TRIP12: variants seen among roughly 807,000 people sequenced by gnomAD.
The protein encoded by TRIP12 is thyroid hormone receptor interactor 12.
TRIP12 carries 25 observed loss-of-function variants against 244.2 expected under a neutral mutation model. The ratio of observed to expected loss-of-function variants is 0.10; its 90% CI spans 0.07 to 0.14. TRIP12 has a LOEUF of 0.14. TRIP12 is among the 10% of genes least tolerant of loss of function. The probability of loss-of-function intolerance (pLI) is 1.00; values close to 1 mark genes in which losing one functional copy is unlikely to be tolerated. For synonymous variants in TRIP12, 905 were observed against 873.1 expected (o/e 1.04, Z -0.64); for missense variants, 1,677 against 2,486.4 (o/e 0.67, Z 6.92).
chr2:229,919,245 G>C (rs2076052979), intron 1 of TRIP12, among the ~76,000 whole-genome samples: 1 of 151,968 alleles, frequency 6.6e-6, no homozygotes, highest in South Asian at 2.1e-4. Context: ...GTGAAACTCT[G>C]TCTCTACTAA....
Position 229,778,344 on chromosome 2 carries a change from A to G in TRIP12, c.5364+89T>C, listed in dbSNP as rs938881733. On this transcript the variant is annotated intron_variant, in intron 36 of 41. Coordinates refer to ENST00000675903, the MANE Select transcript of TRIP12 (RefSeq NM_001348323.3). The surrounding 1 kb of genome is among the most constrained non-coding windows in gnomAD (Gnocchi z 4.1). ...ATTGAAGTTTGAGAAGCATTGCTCT[A>G]AACTATAGCAGTAAACTACAGGGGA... 1.3e-5 allele frequency: 19 copies of G among 1,498,540 alleles called. No homozygotes were observed. In the African/African-American group the frequency reaches 1.7e-4, roughly 13 times the overall value. 92.8% of individuals were successfully genotyped at this position (1,498,540 alleles called of 1,614,324 possible). A position where few individuals can be genotyped will look rare whatever the true frequency, so the allele number is the denominator to read the frequency against.
chr2:229,911,313 G>A (rs1440805800), intron 1 of TRIP12, among the ~76,000 whole-genome samples: 1 of 152,194 alleles, frequency 6.6e-6, no homozygotes, highest in Non-Finnish European at 1.5e-5. Context: ...AGGAAAGTCT[G>A]TAAGAACACA....
chr2:229,791,661 T>C, intron 29 of TRIP12: 1 of 596,990 alleles, frequency 1.7e-6, no homozygotes, highest in Non-Finnish European at 2.9e-6. Context: ...TGTCCATGGA[T>C]ATACATTTTC....
chr2:229,867,458 C>A (rs1181722839), intron 2 of TRIP12, among the ~76,000 whole-genome samples: 3 of 151,962 alleles, frequency 2.0e-5, no homozygotes, highest in African/African-American at 7.3e-5. Flanking sequence ...AGCCACTGTG[C>A]CCGGCCAAAA....
intron 5 of TRIP12, among the ~76,000 whole-genome samples, chr2:229,837,679 G>A (rs1430333210): frequency 6.6e-6 from 1 of 152,032 alleles, no homozygotes; most frequent in Non-Finnish European, 1.5e-5. Flanking sequence ...AGGAAGGGAG[G>A]AGGAGGAGAT....
Position 229,901,087 on chromosome 2 carries a change from C to T in TRIP12, c.-50+20793G>A, listed in dbSNP as rs184686586. ...TAGCTGGGATTACAGGCATGTGCCA[C>T]AACGCCTGGCTAATTTTTGTATTTT... On this transcript the variant is annotated intron_variant, in intron 1 of 41. Coordinates refer to ENST00000675903, the MANE Select transcript of TRIP12 (RefSeq NM_001348323.3). Among the ~76,000 whole-genome samples the T allele has an allele frequency of 4.6e-3, 696 of 151,362 alleles. 5 individuals carry two copies. Among genetic ancestry groups the T allele is most frequent in the African/African-American group, 0.012 (481 of 41,338 alleles).
intron 4 of TRIP12, among the ~76,000 whole-genome samples, chr2:229,846,358 T>C (rs2154318702): frequency 6.6e-6 from 1 of 152,282 alleles, no homozygotes; most frequent in Non-Finnish European, 1.5e-5. Flanking sequence ...CTATCAACAC[T>C]GAGGCAAGAT....
At chr2:229,770,646 A>G (rs1464525966) in intron 39 of TRIP12, among the ~76,000 whole-genome samples, 1 of 152,128 alleles carries the variant, frequency 6.6e-6, no homozygotes, top group African/African-American at 2.4e-5. Context: ...TAAAGACGGT[A>G]ATATGGTTTG....
intron 32 of TRIP12, 75 bp downstream of exon 32, chr2:229,788,723 G>A (rs2040694263): frequency 6.5e-7 from 1 of 1,541,722 alleles, no homozygotes; most frequent in Admixed American, 2.0e-5. Context: ...TAAAGACAAT[G>A]TTTCTGTAAC....
At chr2:229,868,473 C>A (rs505072) in intron 2 of TRIP12, among the ~76,000 whole-genome samples, 1 of 152,198 alleles carries the variant, frequency 6.6e-6, no homozygotes, top group Admixed American at 6.5e-5. Context: ...AAAGTACTGA[C>A]ATTACAGGCA....
intron 2 of TRIP12, among the ~76,000 whole-genome samples, chr2:229,874,493 G>C (rs17324331): frequency 0.25 from 38,674 of 151,938 alleles, 6,013 homozygotes; most frequent in Middle Eastern, 0.43. Context: ...GCAAAAATCT[G>C]AGGAAAAAAC....
chr2:229,829,111 A>T (rs2052586262), intron 8 of TRIP12, 82 bp downstream of exon 8: 1 of 1,292,728 alleles, frequency 7.7e-7, no homozygotes, highest in African/African-American at 1.5e-5. Context: ...AAACTTCTTA[A>T]TACTTACATC....
At position 229,880,059 on chromosome 2, in the gene TRIP12, G is replaced by A; in HGVS notation, c.21C>T (p.Asn7=). 6.2e-7 allele frequency: 1 copy of A among 1,614,050 alleles called. No homozygotes were observed. The highest frequency in any genetic ancestry group is 1.1e-5 in the South Asian group (1 of 91,072). The part of the protein sequence containing the change: MSNRPN[N]NPGGSLRRSQ... ...AACGTCGCAGTGACCCCCCTGGATT[G>A]TTATTAGGCCGGTTGGACATTGGCA... is the stretch of plus-strand genomic sequence containing the variant. Residue 7 remains asparagine (N), a synonymous_variant, in exon 2 of 42, where the codon AAC becomes AAT. Transcript: ENST00000675903.
chr2:229,871,749 A>T (rs962947009), intron 2 of TRIP12, among the ~76,000 whole-genome samples: 1 of 152,212 alleles, frequency 6.6e-6, no homozygotes, highest in East Asian at 1.9e-4. Flanking sequence ...GAAAATACAA[A>T]AACAAAATAT....
intron 8 of TRIP12, among the ~76,000 whole-genome samples, chr2:229,825,717 G>C (rs1376110519): frequency 1.3e-5 from 2 of 152,140 alleles, no homozygotes; most frequent in African/African-American, 4.8e-5. Flanking sequence ...GGGGATTATG[G>C]GGATTGCAAT....
intron 1 of TRIP12, among the ~76,000 whole-genome samples, chr2:229,918,201 T>A (rs1036595760): frequency 1.3e-5 from 2 of 152,242 alleles, no homozygotes; most frequent in East Asian, 1.9e-4. Context: ...TTCACATCCT[T>A]TATCTTCTAT....
chr2:229,901,620 GA>G (rs57457531), intron 1 of TRIP12, among the ~76,000 whole-genome samples: 2 of 143,556 alleles, frequency 1.4e-5, no homozygotes, highest in African/African-American at 2.6e-5. Context: ...GAGACTGTCT[GA>G]AAAAAAAAAA....
intron 17 of TRIP12, 82 bp from the exon 18 acceptor site, chr2:229,805,965 T>C (rs1178412785): frequency 7.9e-6 from 9 of 1,132,650 alleles, no homozygotes; most frequent in East Asian, 5.2e-5. Context: ...CCTCCAAATA[T>C]GCTATCTTAC....
chr2:229,777,688 T>C (rs1270328132), intron 36 of TRIP12, among the ~76,000 whole-genome samples: 1 of 152,206 alleles, frequency 6.6e-6, no homozygotes, highest in Non-Finnish European at 1.5e-5. Flanking sequence ...TAGTCTGTAT[T>C]ACTGAATATC....
Sources: allele counts gnomAD v4.1 joint callset (sites outside exome capture counted in the v4.1 genomes callset), GRCh38; gene constraint gnomAD v4.1.1; non-coding constraint Gnocchi (gnomAD v3.1); transcripts MANE v1.5; gene names NCBI Gene and HGNC (gene_info 2026-07-23, HGNC 2026-07-21).